Variants in DENND2B observed in about 807,000 individuals in gnomAD.
The protein encoded by DENND2B is DENN domain-containing protein 2B.
Under a neutral mutation model 116.0 loss-of-function variants are expected in DENND2B, and 32 were observed. That is an observed-to-expected ratio of 0.28 (90% CI 0.21 to 0.37). The LOEUF (loss-of-function observed/expected upper bound fraction) is 0.37, where lower values mean the gene tolerates loss of function less well. Ranked by LOEUF, DENND2B falls within the 10% of genes least tolerant of loss-of-function variation. DENND2B has a pLI of 1.00. For synonymous variants in DENND2B, 588 were observed against 583.9 expected (o/e 1.01, Z -0.10); for missense variants, 1,276 against 1,477.7 (o/e 0.86, Z 2.24).
At chr11:8,816,122 T>C (rs1369824345) in intron 4 of DENND2B, among the ~76,000 whole-genome samples, 2 of 152,232 alleles carry the variant, frequency 1.3e-5, no homozygotes, top group African/African-American at 2.4e-5. Context: ...TTCAATATTA[T>C]TGGTTGGATC....
At chr11:8,728,845 C>T (rs559898468) in intron 3 of DENND2B, among the ~76,000 whole-genome samples, 1 of 152,200 alleles carries the variant, frequency 6.6e-6, no homozygotes, top group East Asian at 1.9e-4. Flanking sequence ...TCCTCTTGAC[C>T]AGCACAATCT....
At chr11:8,813,139 A>G (rs2061452197), upstream of DENND2B, among the ~76,000 whole-genome samples, 1 of 152,134 alleles carries the variant, frequency 6.6e-6, no homozygotes, top group African/African-American at 2.4e-5. Context: ...TTTTTCATTA[A>G]TTTCCAGCAT....
chr11:8,732,570 C>A (rs1027118474), intron 2 of DENND2B, among the ~76,000 whole-genome samples: 2 of 152,214 alleles, frequency 1.3e-5, no homozygotes, highest in East Asian at 1.9e-4. Context: ...CCCTACTAGA[C>A]CATGGTTTCT....
intron 1 of DENND2B, chr11:8,871,142 G>A (rs1384660643): frequency 6.6e-6 from 1 of 152,156 alleles, no homozygotes; most frequent in African/African-American, 2.4e-5. Context: ...GGGCGTGGAG[G>A]ATGTGCGCCT....
At chr11:8,735,811 G>A in intron 2 of DENND2B, among the ~76,000 whole-genome samples, 1 of 152,238 alleles carries the variant, frequency 6.6e-6, no homozygotes, top group East Asian at 1.9e-4. Context: ...CACAATGGGA[G>A]CCAGGTGTCA....
At chr11:8,708,475 C>A (rs2043003786) in intron 11 of DENND2B, 1 of 401,498 alleles carries the variant, frequency 2.5e-6, no homozygotes, top group African/African-American at 2.2e-5. Flanking sequence ...CAACTGAGTT[C>A]AAAAAGATAA....
At chr11:8,762,910 T>C (rs1220704441) in intron 1 of DENND2B, among the ~76,000 whole-genome samples, 1 of 152,120 alleles carries the variant, frequency 6.6e-6, no homozygotes. Flanking sequence ...TTAGACTACA[T>C]TAAATAAGAA....
intron 17 of DENND2B, among the ~76,000 whole-genome samples, chr11:8,697,322 G>A (rs927002279): frequency 5.3e-5 from 8 of 152,284 alleles, no homozygotes; most frequent in African/African-American, 1.7e-4. Context: ...TCTGTCAGCA[G>A]AAAGTATCTT....
At chr11:8,886,574 T>C (rs536661317) in intron 1 of DENND2B, among the ~76,000 whole-genome samples, 1 of 151,888 alleles carries the variant, frequency 6.6e-6, no homozygotes, top group African/African-American at 2.4e-5. Flanking sequence ...TTTCTCTGGC[T>C]TTTTATAAAG....
chr11:8,904,649 T>C (rs2064213002), intron 1 of DENND2B, among the ~76,000 whole-genome samples: 1 of 152,148 alleles, frequency 6.6e-6, no homozygotes, highest in Non-Finnish European at 1.5e-5. Context: ...GAAGATCTGA[T>C]CCAGTATACA....
At chr11:8,715,450 A>G in intron 6 of DENND2B, 153 bp downstream of exon 6, 1 of 685,642 alleles carries the variant, frequency 1.5e-6, no homozygotes, top group South Asian at 1.9e-5. Flanking sequence ...ATCAGATGAA[A>G]AAGAGGCCAG....
intron 8 of DENND2B, 51 bp downstream of exon 8, chr11:8,713,947 C>T (rs1223299964): frequency 1.3e-6 from 2 of 1,599,818 alleles, no homozygotes; most frequent in South Asian, 2.2e-5. Context: ...AAGGCTGATT[C>T]CCTGCAGCCC....
chr11:8,788,610 C>A (rs960758817), intron 1 of DENND2B, among the ~76,000 whole-genome samples: 1 of 152,176 alleles, frequency 6.6e-6, no homozygotes, highest in Non-Finnish European at 1.5e-5. Context: ...CAGGCTCTCC[C>A]TGAGGGCGCT....
intron 1 of DENND2B, among the ~76,000 whole-genome samples, chr11:8,893,663 T>G (rs1467210859): frequency 1.3e-5 from 2 of 152,066 alleles, no homozygotes; most frequent in Non-Finnish European, 2.9e-5. Flanking sequence ...TCAAAGAGAA[T>G]AAAATACCTA....
At chr11:8,803,975 T>C (rs2060588575) in intron 1 of DENND2B, among the ~76,000 whole-genome samples, 1 of 152,142 alleles carries the variant, frequency 6.6e-6, no homozygotes, top group Non-Finnish European at 1.5e-5. Context: ...GAGAAAGACC[T>C]CAGGGGCTCC....
At chr11:8,886,572 G>T (rs1171845059) in intron 1 of DENND2B, among the ~76,000 whole-genome samples, 1 of 151,192 alleles carries the variant, frequency 6.6e-6, no homozygotes, top group Non-Finnish European at 1.5e-5. Flanking sequence ...TCTTTCTCTG[G>T]CTTTTTATAA....
chr11:8,700,808 T>TA (rs2041433027), intron 14 of DENND2B, among the ~76,000 whole-genome samples: 1 of 152,264 alleles, frequency 6.6e-6, no homozygotes, highest in East Asian at 1.9e-4. Flanking sequence ...TTCCTTTTTT[T>TA]AAAAAAATTT....
At chr11:8,829,778 C>T (rs1477250774) in intron 4 of DENND2B, among the ~76,000 whole-genome samples, 2 of 152,110 alleles carry the variant, frequency 1.3e-5, no homozygotes, top group East Asian at 1.9e-4. Context: ...TGGGAACAGT[C>T]GCTTCCCCTT....
chr11:8,850,506 A>T (rs762039877), intron 3 of DENND2B, among the ~76,000 whole-genome samples: 10 of 152,192 alleles, frequency 6.6e-5, no homozygotes, highest in Non-Finnish European at 1.5e-4. Context: ...AACACCTCAC[A>T]CCTATTAGAA....
Sources: gnomAD v4.1 joint callset for allele counts (sites outside exome capture counted in the v4.1 genomes callset) on GRCh38, gnomAD v4.1.1 for gene constraint, MANE v1.5 for transcripts, NCBI Gene and HGNC (gene_info 2026-07-23, HGNC 2026-07-21) for gene names.